PCYT1B: variants seen among roughly 807,000 people sequenced by gnomAD.
PCYT1B encodes choline-phosphate cytidylyltransferase B.
A neutral mutation model predicts 26.4 loss-of-function variants in PCYT1B; 10 were observed. The ratio of observed to expected loss-of-function variants is 0.38; its 90% CI spans 0.23 to 0.64. The LOEUF (loss-of-function observed/expected upper bound fraction) is 0.64. Ranked by LOEUF, PCYT1B falls within the 30% of genes least tolerant of loss-of-function variation. The pLI is 0.56. For synonymous variants in PCYT1B, 131 were observed against 108.4 expected (o/e 1.21, Z -1.29); for missense variants, 161 against 292.7 (o/e 0.55, Z 3.28).
At chrX:24,652,334 G>A (rs763929390), upstream of PCYT1B, among the ~76,000 whole-genome samples, 1 of 111,654 alleles carries the variant, frequency 9.0e-6, no homozygotes, top group Admixed American at 9.5e-5. Flanking sequence ...CAAGGCGGGC[G>A]GATCACCTGA....
chrX:24,586,036 G>A (rs974406949), intron 5 of PCYT1B, among the ~76,000 whole-genome samples: 26 of 111,580 alleles, frequency 2.3e-4, no homozygotes, highest in African/African-American at 7.2e-4. Flanking sequence ...CTCCAGACAC[G>A]CTGTGCTTCA....
upstream of PCYT1B, among the ~76,000 whole-genome samples, chrX:24,649,193 G>T (rs1926714479): frequency 9.0e-6 from 1 of 111,605 alleles, no homozygotes; most frequent in South Asian, 3.8e-4. Flanking sequence ...TCATCACCTG[G>T]AAGAGCCAAG....
intron 1 of PCYT1B, among the ~76,000 whole-genome samples, chrX:24,627,315 T>G (rs1485333551): frequency 8.9e-6 from 1 of 111,870 alleles, no homozygotes; most frequent in Non-Finnish European, 1.9e-5. Context: ...TCTAGGGAGA[T>G]GGGAGCCATC....
In PCYT1B at chrX:24,635,432, C is replaced by T. The variant is rs1017358659; in HGVS notation, c.117+11557G>A. ...TGCAGTGTGGGAGGTTTGCAATATA[C>T]TTGGATAGAAGTACAGATATTTCTA... On this transcript the variant is annotated intron_variant, in intron 1 of 7. Coordinates refer to ENST00000379144, the MANE Select transcript of PCYT1B (RefSeq NM_004845.5). Among the ~76,000 whole-genome samples, 4 of 112,249 alleles carry T rather than the reference C, an allele frequency of 3.6e-5. No individual in the cohort carries two copies. The Admixed American group carries it at 3.8e-4, about 11-fold the overall frequency.
In PCYT1B at chrX:24,609,248, G is replaced by A. The variant is rs779819924; in HGVS notation, c.218-1387C>T. Among the ~76,000 whole-genome samples the A allele has an allele frequency of 2.8e-3, 311 of 110,063 alleles. 1 individual carries two copies. The highest frequency in any genetic ancestry group is 9.3e-3 in the Middle Eastern group (2 of 214). The stretch of plus-strand genomic sequence containing the variant: ...TGCAGTGGCGCAATCTCGGCTCACT[G>A]CAACCTCCACCTCCCGGGTTCAAGC... On this transcript the variant is annotated intron_variant, in intron 2 of 7. Transcript: ENST00000379144.
At chrX:24,666,090 G>A (rs1420531195) in intron 1 of PCYT1B, among the ~76,000 whole-genome samples, 2 of 110,811 alleles carry the variant, frequency 1.8e-5, no homozygotes, top group African/African-American at 6.6e-5. Flanking sequence ...TAGACGCTAG[G>A]GTCAAGTTGG....
intron 3 of PCYT1B, among the ~76,000 whole-genome samples, chrX:24,605,911 C>T (rs777011795): frequency 3.7e-5 from 4 of 108,852 alleles, no homozygotes; most frequent in African/African-American, 6.7e-5. Context: ...AAAATTAGCC[C>T]GGCATGGTGG....
Position 24,560,131 on chromosome X carries a change from C to G in PCYT1B, c.*2162G>C, listed in dbSNP as rs1923351527. ...GTATAAGATTCAGGTAAAAGTGAAT[C>G]TATCTGCCCTGGGCCATGGAGCAGG... On this transcript the variant is annotated 3_prime_UTR_variant, in exon 8 of 8. Transcript: ENST00000379144. The G allele has an allele frequency of 8.9e-6, 1 of 112,265 alleles. No homozygotes were observed. Among genetic ancestry groups the G allele is most frequent in the African/African-American group, 3.2e-5 (1 of 30,885 alleles). The allele number at this position is 112,265 out of a possible 1,213,427, so 9.3% of individuals were successfully genotyped here.
At chrX:24,595,517 C>T (rs1384974023) in intron 3 of PCYT1B, among the ~76,000 whole-genome samples, 4 of 110,725 alleles carry the variant, frequency 3.6e-5, no homozygotes, top group Non-Finnish European at 7.5e-5. Context: ...AGACTGGAGG[C>T]CCCGCTCCTG....
intron 7 of PCYT1B, among the ~76,000 whole-genome samples, chrX:24,574,310 C>T (rs1398591767): frequency 9.0e-6 from 1 of 111,400 alleles, no homozygotes; most frequent in Non-Finnish European, 1.9e-5. Flanking sequence ...CTTTTACAGA[C>T]CCCTCATCAA....
At chrX:24,616,715 G>C (rs1004699412) in intron 2 of PCYT1B, among the ~76,000 whole-genome samples, 5 of 111,913 alleles carry the variant, frequency 4.5e-5, no homozygotes, top group Admixed American at 9.5e-5. Context: ...AAATCTGCTT[G>C]TTTAACAAGC....
intron 1 of PCYT1B, among the ~76,000 whole-genome samples, chrX:24,657,183 CA>C (rs1240725482): frequency 2.7e-5 from 3 of 111,693 alleles, no homozygotes; most frequent in Non-Finnish European, 5.6e-5. Context: ...CATCCGTTTA[CA>C]AGTAATAATC....
In PCYT1B at chrX:24,628,384, C is replaced by A. The variant is rs528937401; in HGVS notation, c.118-9300G>T. On this transcript the variant is annotated intron_variant, in intron 1 of 7. Transcript: ENST00000379144. ...TGCTGAATGGGGGAATTTAAAGTCACAGGAGTGAGAATGATAATTGATAAA... is the reference window on the plus strand; with the variant it reads ...TGCTGAATGGGGGAATTTAAAGTCAAAGGAGTGAGAATGATAATTGATAAA... 4.5e-5 allele frequency among the ~76,000 whole-genome samples: 5 copies of A among 111,463 alleles called. No individual in the cohort carries two copies. The Middle Eastern group carries it at 0.023, about 516-fold the overall frequency.
chrX:24,627,330 C>T lies in PCYT1B; in HGVS notation c.118-8246G>A, dbSNP rs777109649. On this transcript the variant is annotated intron_variant, in intron 1 of 7. Transcript: ENST00000379144. ...TCTAGGGAGATGGGAGCCATCAGAG[C>T]GTTTCGTTTTGTTTCGTTTTTGAGA... Among the ~76,000 whole-genome samples the T allele has an allele frequency of 3.6e-5, 4 of 111,743 alleles. No individual in the cohort carries two copies. In the South Asian group the frequency reaches 1.1e-3, roughly 32 times the overall value.
rs760140492 is a variant in PCYT1B, at chrX:24,561,867, G to A, written c.*426C>T. On this transcript the variant is annotated 3_prime_UTR_variant, in exon 8 of 8. Coordinates refer to ENST00000379144, the MANE Select transcript of PCYT1B (RefSeq NM_004845.5). The stretch of plus-strand genomic sequence containing the variant: ...TATTGGAAACAATTTTATTCTGGCA[G>A]AGCTGGGGTGGTGGGAGGCAACGTG... The A allele has an allele frequency of 2.4e-6, 1 of 411,660 alleles. No individual in the cohort carries two copies. The highest frequency in any genetic ancestry group is 3.9e-5 in the East Asian group (1 of 25,677). 33.9% of individuals were successfully genotyped at this position (411,660 alleles called of 1,213,427 possible).
At chrX:24,664,751 A>G (rs1410562050) in intron 1 of PCYT1B, among the ~76,000 whole-genome samples, 1 of 112,002 alleles carries the variant, frequency 8.9e-6, no homozygotes, top group East Asian at 2.8e-4. Context: ...TGAGGTCAGG[A>G]GTTTGAGACC....
In PCYT1B at chrX:24,585,415, A is replaced by G. The variant is rs190162929; in HGVS notation, c.565+1826T>C. 1.6e-4 allele frequency among the ~76,000 whole-genome samples: 18 copies of G among 111,612 alleles called. 1 individual carries two copies. In the East Asian group the frequency reaches 3.1e-3, roughly 19 times the overall value. ...AGGACAGTTTTTAAATTTCCTGGGG[A>G]CTCTCTAGAGGAATATGGAAGGAAG... On this transcript the variant is annotated intron_variant, in intron 5 of 7. Transcript: ENST00000379144.
chrX:24,584,775 G>A (rs1296431246), intron 5 of PCYT1B, among the ~76,000 whole-genome samples: 1 of 111,990 alleles, frequency 8.9e-6, no homozygotes, highest in Non-Finnish European at 1.9e-5. Context: ...CTGAGAACTC[G>A]ATGACTTCAG....
intron 1 of PCYT1B, among the ~76,000 whole-genome samples, chrX:24,641,020 G>A (rs2082456018): frequency 9.0e-6 from 1 of 111,329 alleles, no homozygotes; most frequent in Non-Finnish European, 1.9e-5. Context: ...TGCAACCTCC[G>A]TCTCCCGGGT....
Sources: allele counts gnomAD v4.1 joint callset (sites outside exome capture counted in the v4.1 genomes callset), GRCh38; gene constraint gnomAD v4.1.1; transcripts MANE v1.5; gene names NCBI Gene and HGNC (gene_info 2026-07-23, HGNC 2026-07-21).